SLC12A8: variants seen among roughly 807,000 people sequenced by gnomAD.
SLC12A8 encodes solute carrier family 12 member 8, also known as cation-chloride cotransporter 9.
A neutral mutation model predicts 75.6 loss-of-function variants in SLC12A8; 69 were observed. The observed-to-expected ratio is 0.91, with a 90% confidence interval of 0.75 to 1.11. SLC12A8 has a LOEUF of 1.11. SLC12A8 is among the 50% of genes most tolerant of loss of function. SLC12A8 has a pLI of 0.00. For missense variants in SLC12A8, 877 were observed against 896.7 expected (o/e 0.98, Z 0.28); for synonymous variants, 365 against 372.8 (o/e 0.98, Z 0.24).
At chr3:125,128,081 C>T (rs1264822435) in intron 6 of SLC12A8, among the ~76,000 whole-genome samples, 5 of 151,904 alleles carry the variant, frequency 3.3e-5, no homozygotes, top group African/African-American at 1.2e-4. Context: ...ACCATGTTGG[C>T]CAGGATGGTC....
intron 5 of SLC12A8, among the ~76,000 whole-genome samples, chr3:125,149,710 T>G: frequency 6.8e-6 from 1 of 147,582 alleles, no homozygotes; most frequent in African/African-American, 2.5e-5. Context: ...AGAGAAGAAA[T>G]GGAAGGTGAG....
chr3:125,181,571 G>A (rs1444614710), intron 4 of SLC12A8, among the ~76,000 whole-genome samples: 4 of 131,774 alleles, frequency 3.0e-5, no homozygotes. Flanking sequence ...ACTGCAGTCC[G>A]CAGTCCGGCC....
intron 5 of SLC12A8, among the ~76,000 whole-genome samples, chr3:125,167,184 C>G (rs1038482086): frequency 7.3e-5 from 11 of 151,526 alleles, no homozygotes; most frequent in Admixed American, 1.3e-4. Context: ...GAGTCTCCCT[C>G]TGTCACCCAG....
chr3:125,126,852 C>T (rs1447969549), intron 6 of SLC12A8, among the ~76,000 whole-genome samples: 1 of 150,544 alleles, frequency 6.6e-6, no homozygotes, highest in East Asian at 1.9e-4. Flanking sequence ...TGAAGGTAGA[C>T]TACACATGCA....
chr3:125,124,773 G>A (rs1480983604), intron 6 of SLC12A8, among the ~76,000 whole-genome samples: 1 of 152,118 alleles, frequency 6.6e-6, no homozygotes, highest in Non-Finnish European at 1.5e-5. Flanking sequence ...AAATTATTTT[G>A]ACTTAGTATT....
intron 2 of SLC12A8, among the ~76,000 whole-genome samples, chr3:125,190,958 A>G (rs1579536782): frequency 6.6e-6 from 1 of 151,938 alleles, no homozygotes; most frequent in Middle Eastern, 3.2e-3. Flanking sequence ...TCTGGGTTTC[A>G]CCTCCTGGGG....
Position 125,187,474 on chromosome 3 carries a change from C to T in SLC12A8, c.199-46G>A, listed in dbSNP as rs376486205. On this transcript the variant is annotated intron_variant, in intron 3 of 13. Coordinates refer to ENST00000469902, the MANE Select transcript of SLC12A8 (RefSeq NM_024628.6). ...GCAAGGTTGGATTAGGTGAGGAGGC[C>T]CCGCCAGCTCCCTGCTGGGGGCATT... The T allele has an allele frequency of 1.5e-4, 232 of 1,564,536 alleles. 1 individual carries two copies. The highest frequency in any genetic ancestry group is 1.9e-4 in the Non-Finnish European group (218 of 1,145,216).
rs1939057122 is a variant in SLC12A8, at chr3:125,107,470, A to G, written c.1705+11T>C. 1 of 1,596,354 alleles carries G rather than the reference A, an allele frequency of 6.3e-7. No homozygotes were observed. Among genetic ancestry groups the G allele is most frequent in the African/African-American group, 1.3e-5 (1 of 74,750 alleles). On this transcript the variant is annotated intron_variant, in intron 10 of 13. Coordinates refer to ENST00000469902, the MANE Select transcript of SLC12A8 (RefSeq NM_024628.6). The stretch of plus-strand genomic sequence containing the variant: ...AAATAAGAGGCCCCAGTGTGATACC[A>G]GAGCACTCACCTTCTCCACTGGACT...
intron 5 of SLC12A8, among the ~76,000 whole-genome samples, chr3:125,145,855 T>C (rs1423275763): frequency 1.3e-5 from 2 of 152,216 alleles, no homozygotes; most frequent in African/African-American, 4.8e-5. Context: ...TGAGACTGGG[T>C]CTTGCTCTGT....
At chr3:125,190,239 C>T (rs895563675) in intron 3 of SLC12A8, 136 bp downstream of exon 3, 18 of 918,714 alleles carry the variant, frequency 2.0e-5, no homozygotes, top group Non-Finnish European at 2.7e-5. Flanking sequence ...AGCTATTCAT[C>T]GTGCTTGCTT....
Position 125,190,487 on chromosome 3 carries a change from G to T in SLC12A8, c.86C>A (p.Thr29Asn), listed in dbSNP as rs368548992. 6.2e-7 allele frequency: 1 copy of T among 1,614,086 alleles called. No homozygotes were observed. Among genetic ancestry groups the T allele is most frequent in the Non-Finnish European group, 8.5e-7 (1 of 1,180,034 alleles). The stretch of plus-strand genomic sequence containing the variant: ...CACAGGCTCCCACATGAACAGCTGG[G>T]TCTTCCACCAGGGCTGGGGCTGGGC... Reference protein sequence around the residue: ...ALAQPQPWWKTQLFMWEPVLF... With the variant: ...ALAQPQPWWKNQLFMWEPVLF... Residue 29 changes from threonine (T) to asparagine (N), a missense_variant, in exon 3 of 14, where the codon ACC becomes AAC. Physicochemically the swap from Thr to Asn is moderately conservative, Grantham distance 65. Transcript: ENST00000469902.
At chr3:125,155,357 T>C (rs1322388106) in intron 5 of SLC12A8, among the ~76,000 whole-genome samples, 2 of 152,092 alleles carry the variant, frequency 1.3e-5, no homozygotes, top group Non-Finnish European at 2.9e-5. Flanking sequence ...ATATACTCAG[T>C]GTTTCAAAAA....
intron 5 of SLC12A8, among the ~76,000 whole-genome samples, chr3:125,156,430 A>G (rs1934052973): frequency 6.6e-6 from 1 of 152,174 alleles, no homozygotes; most frequent in African/African-American, 2.4e-5. Context: ...GAGAAAAGTA[A>G]ATACTTATGG....
At chr3:125,130,357 C>T (rs66720638) in intron 6 of SLC12A8, among the ~76,000 whole-genome samples, 3,618 of 151,912 alleles carry the variant, frequency 0.024, 65 homozygotes, top group South Asian at 0.042. Flanking sequence ...GGTGGGAGGT[C>T]GAGGCGGGTG....
At chr3:125,141,643 C>T (rs544629126) in intron 5 of SLC12A8, among the ~76,000 whole-genome samples, 1 of 152,162 alleles carries the variant, frequency 6.6e-6, no homozygotes, top group Admixed American at 6.5e-5. Flanking sequence ...ACTTAGAAAG[C>T]GAGATTTCTA....
At chr3:125,137,003 C>A (rs954962725) in intron 5 of SLC12A8, among the ~76,000 whole-genome samples, 1 of 152,172 alleles carries the variant, frequency 6.6e-6, no homozygotes, top group African/African-American at 2.4e-5. Flanking sequence ...GCTCCTTTTC[C>A]CTCAACCCCT....
chr3:125,170,450 T>C (rs369373583), intron 5 of SLC12A8, among the ~76,000 whole-genome samples: 3 of 152,366 alleles, frequency 2.0e-5, no homozygotes, highest in African/African-American at 7.2e-5. Flanking sequence ...TATGTGGGTG[T>C]TTTAAAAGAA....
rs1437952810 is a variant in SLC12A8 at position 125,139,125 on chromosome 3, G to GCTTTT, written c.623-3348_623-3344dup. Among the ~76,000 whole-genome samples the GCTTTT allele has an allele frequency of 1.7e-4, 26 of 152,254 alleles. 1 individual carries two copies. Among genetic ancestry groups the GCTTTT allele is most frequent in the Middle Eastern group, 3.4e-3 (1 of 294 alleles). On this transcript the variant is annotated intron_variant, in intron 5 of 13. Transcript: ENST00000469902. Reference sequence around the variant, plus strand: ...TCGTCAGCTTTTCTATGTATGAAGAGCTTTTCTTTCTTTCCGTTTGTACTC... The same window carrying GCTTTT: ...TCGTCAGCTTTTCTATGTATGAAGAGCTTTTCTTTTCTTTCTTTCCGTTTGTACTC...
intron 5 of SLC12A8, among the ~76,000 whole-genome samples, chr3:125,143,335 C>T (rs1391607199): frequency 3.3e-5 from 5 of 152,304 alleles, no homozygotes; most frequent in South Asian, 2.1e-4. Flanking sequence ...TAAACTGAAT[C>T]GGGCTGTATT....
Sources: allele counts gnomAD v4.1 joint callset (sites outside exome capture counted in the v4.1 genomes callset), GRCh38; gene constraint gnomAD v4.1.1; transcripts MANE v1.5; gene names NCBI Gene and HGNC (gene_info 2026-07-23, HGNC 2026-07-21).